The following PCDHB4 variants were observed in gnomAD, a reference collection of about 807,000 sequenced individuals.
The protein encoded by PCDHB4 is protocadherin beta-4.
For synonymous variants in PCDHB4, 482 were observed against 447.3 expected (o/e 1.08, Z -0.98); for missense variants, 1,063 against 1,007.0 (o/e 1.06, Z -0.75).
Position 141,122,450 on chromosome 5 carries a change from T to C in PCDHB4, c.452T>C (p.Phe151Ser). Residue 151 changes from phenylalanine to serine, a missense_variant, in exon 1 of 1, where the codon TTT becomes TCT. Physicochemically the swap from Phe to Ser is radical, Grantham distance 155 (BLOSUM62 -2). Coordinates refer to ENST00000194152, the MANE Select transcript of PCDHB4 (RefSeq NM_018938.4). ...ILENSQPGTL[F>S]PLLIAEDLDV... ...GAAAATAGCCAGCCGGGTACTCTAT[T>C]TCCGTTGCTAATAGCTGAGGATTTG... The C allele has an allele frequency of 1.9e-6, 3 of 1,614,252 alleles. No individual in the cohort carries two copies. Among genetic ancestry groups the C allele is most frequent in the Non-Finnish European group, 2.5e-6 (3 of 1,180,038 alleles).
Position 141,123,036 on chromosome 5 carries a change from TATC to T in PCDHB4, c.1041_1043del (p.Ile348del). ...ATGTGAATGACAATCCCCCAGAACT[TATC>T]ATATCTTCACTCACCAGCTCCATCC... On this transcript the variant is annotated inframe_deletion, in exon 1 of 1. Transcript: ENST00000194152. 3 of 1,613,806 alleles carry T rather than the reference TATC, an allele frequency of 1.9e-6. No homozygotes were observed. Among genetic ancestry groups the T allele is most frequent in the Non-Finnish European group, 2.5e-6 (3 of 1,179,964 alleles).
chr5:141,123,376 C>T lies in PCDHB4; in HGVS notation c.1378C>T (p.Arg460Cys). 6.2e-7 allele frequency: 1 copy of T among 1,613,862 alleles called. No homozygotes were observed. Residue 460 changes from arginine (R) to cysteine (C), a missense_variant, in exon 1 of 1, where the codon CGC becomes TGC. Coordinates refer to ENST00000194152, the MANE Select transcript of PCDHB4 (RefSeq NM_018938.4). Reference sequence around the variant, plus strand: ...CCAAACCTCCTACACCCTGTTCGTCCGCGAGAACAACAGCCCCGCCCTGCA... The same window carrying T: ...CCAAACCTCCTACACCCTGTTCGTCTGCGAGAACAACAGCCCCGCCCTGCA... Reference protein sequence around the residue: ...FTQTSYTLFVRENNSPALHIG... With the variant: ...FTQTSYTLFVCENNSPALHIG...
chr5:141,124,248 C>G lies in PCDHB4; in HGVS notation c.2250C>G (p.Tyr750Ter), dbSNP rs551909584. The G allele has an allele frequency of 6.2e-7, 1 of 1,614,024 alleles. No individual in the cohort carries two copies. Among genetic ancestry groups the G allele is most frequent in the Non-Finnish European group, 8.5e-7 (1 of 1,180,034 alleles). The change falls in exon 1 of 1, where the codon TAC (tyrosine) becomes TAG (stop). Residue 750 changes from tyrosine to a stop codon, truncating the protein, a stop_gained. Transcript: ENST00000194152. LOFTEE classifies it low-confidence loss of function (END_TRUNC). ...GTGTLSQSYQ[Y>*]EVCLTGDSGT... ...GGACCCTGTCCCAGAGCTACCAGTA[C>G]GAGGTGTGTCTGACAGGAGACTCTG...
In PCDHB4 at chr5:141,123,482, C is replaced by A. The variant is rs377427985; in HGVS notation, c.1484C>A (p.Pro495Gln). The change falls in exon 1 of 1, where the codon CCG becomes CAG. Residue 495 changes from proline (P) to glutamine (Q), a missense_variant. Transcript: ENST00000194152. ...TACTCGCTGCTGCCGCCCCAGGACCCGCACCTGCCCCTCGCCTCCCTGGTC... is the reference window on the plus strand; with the variant it reads ...TACTCGCTGCTGCCGCCCCAGGACCAGCACCTGCCCCTCGCCTCCCTGGTC... ...VTYSLLPPQDPHLPLASLVSI... is the reference protein window; with the variant it reads ...VTYSLLPPQDQHLPLASLVSI... 1.2e-6 allele frequency: 2 copies of A among 1,613,194 alleles called. No individual in the cohort carries two copies. Among genetic ancestry groups the A allele is most frequent in the African/African-American group, 1.3e-5 (1 of 74,922 alleles).
rs1554274522 is a variant in PCDHB4, at chr5:141,123,369, G to T, written c.1371G>T (p.Leu457=). 6.2e-7 allele frequency: 1 copy of T among 1,613,882 alleles called. No homozygotes were observed. The highest frequency in any genetic ancestry group is 2.2e-5 in the East Asian group (1 of 44,874). Residue 457 remains leucine, a synonymous_variant, in exon 1 of 1, where the codon CTG becomes CTT. Transcript: ENST00000194152. The stretch of plus-strand genomic sequence containing the variant: ...CCTTCACCCAAACCTCCTACACCCT[G>T]TTCGTCCGCGAGAACAACAGCCCCG... ...APAFTQTSYT[L]FVRENNSPAL...
chr5:141,124,919 A>G lies in PCDHB4; in HGVS notation c.*533A>G, dbSNP rs1165695997. On this transcript the variant is annotated 3_prime_UTR_variant, in exon 1 of 1. Coordinates refer to ENST00000194152, the MANE Select transcript of PCDHB4 (RefSeq NM_018938.4). Reference sequence around the variant, plus strand: ...TTTACTCATTTTTCACAAATTGTATATAAACATGCACTTCACTACATTGGT... The same window carrying G: ...TTTACTCATTTTTCACAAATTGTATGTAAACATGCACTTCACTACATTGGT... The G allele has an allele frequency of 1.3e-5, 2 of 152,508 alleles. No individual in the cohort carries two copies. The highest frequency in any genetic ancestry group is 6.5e-5 in the Admixed American group (1 of 15,320). 9.4% of individuals were successfully genotyped at this position (152,508 alleles called of 1,614,324 possible).
In PCDHB4 at chr5:141,124,229, T is replaced by A. The variant is rs530871407; in HGVS notation, c.2231T>A (p.Leu744Gln). ...GTGGACGTAAGCGGCACCGGGACCC[T>A]GTCCCAGAGCTACCAGTACGAGGTG... ...HLVDVSGTGTLSQSYQYEVCL... is the reference protein window; with the variant it reads ...HLVDVSGTGTQSQSYQYEVCL... The change falls in exon 1 of 1, where the codon CTG (leucine) becomes CAG (glutamine). Residue 744 changes from leucine to glutamine, a missense_variant. Physicochemically the swap from Leu to Gln is moderately radical, Grantham distance 113. Coordinates refer to ENST00000194152, the MANE Select transcript of PCDHB4 (RefSeq NM_018938.4). The A allele has an allele frequency of 6.0e-5, 97 of 1,614,174 alleles. No homozygotes were observed. In the South Asian group the frequency reaches 1.0e-3, roughly 17 times the overall value.
chr5:141,124,558 T>A lies in PCDHB4; in HGVS notation c.*172T>A. 1.8e-6 allele frequency: 1 copy of A among 563,620 alleles called. No homozygotes were observed. The highest frequency in any genetic ancestry group is 3.0e-6 in the Non-Finnish European group (1 of 333,218). The allele number at this position is 563,620 out of a possible 1,614,324, so 34.9% of individuals were successfully genotyped here. On this transcript the variant is annotated 3_prime_UTR_variant, in exon 1 of 1. Coordinates refer to ENST00000194152, the MANE Select transcript of PCDHB4 (RefSeq NM_018938.4). Reference sequence around the variant, plus strand: ...CTTTTTTATTGTTATTAATTGCACTTAACATTTTTAGTTATACTGGATATT... The same window carrying A: ...CTTTTTTATTGTTATTAATTGCACTAAACATTTTTAGTTATACTGGATATT...
Position 141,122,660 on chromosome 5 carries a change from G to A in PCDHB4, c.662G>A (p.Arg221Lys). 6.2e-7 allele frequency: 1 copy of A among 1,614,210 alleles called. No individual in the cohort carries two copies. Among genetic ancestry groups the A allele is most frequent in the Non-Finnish European group, 8.5e-7 (1 of 1,180,044 alleles). Reference protein sequence around the residue: ...LVALDGGSPPRSGTVMVRILI... With the variant: ...LVALDGGSPPKSGTVMVRILI... ...GCGCTGGATGGTGGGTCACCACCTA[G>A]GTCTGGCACGGTCATGGTTCGAATC... The change falls in exon 1 of 1, where the codon AGG (arginine) becomes AAG (lysine). Residue 221 changes from arginine (R) to lysine (K), a missense_variant. Physicochemically the swap from Arg to Lys is conservative, Grantham distance 26 (BLOSUM62 2). Coordinates refer to ENST00000194152, the MANE Select transcript of PCDHB4 (RefSeq NM_018938.4).
rs1554274737 is a variant in PCDHB4 at position 141,124,178 on chromosome 5, C to T, written c.2180C>T (p.Pro727Leu). The change falls in exon 1 of 1, where the codon CCC becomes CTC. Residue 727 changes from proline to leucine, a missense_variant. Pro to Leu is a moderately conservative substitution (Grantham distance 98). Coordinates refer to ENST00000194152, the MANE Select transcript of PCDHB4 (RefSeq NM_018938.4). ...RAASVGRCSV[P>L]EGPFPGHLVD... ...GCCTCGGTGGGTCGCTGCTCGGTGC[C>T]CGAGGGCCCCTTTCCAGGGCATCTG... 1.2e-6 allele frequency: 2 copies of T among 1,613,356 alleles called. No individual in the cohort carries two copies. The highest frequency in any genetic ancestry group is 1.7e-6 in the Non-Finnish European group (2 of 1,179,972).
rs35205749 is a variant in PCDHB4 at position 141,122,177 on chromosome 5, C to A, written c.179C>A (p.Ser60Tyr). The A allele has an allele frequency of 3.1e-6, 5 of 1,614,058 alleles. No homozygotes were observed. The highest frequency in any genetic ancestry group is 3.4e-6 in the Non-Finnish European group (4 of 1,180,048). Residue 60 changes from serine to tyrosine, a missense_variant, in exon 1 of 1, where the codon TCC becomes TAC. Ser to Tyr is a moderately radical substitution (Grantham distance 144, BLOSUM62 -2). Transcript: ENST00000194152. ...GGCCTGGGAATTGGGGAACTGGCCT[C>A]CCGGTCAGCCCGGGTGCTGTCTGAC... ...DLGLGIGELA[S>Y]RSARVLSDDD...
Position 141,122,460 on chromosome 5 carries a change from A to G in PCDHB4, c.462A>G (p.Leu154=). ...AGCCGGGTACTCTATTTCCGTTGCT[A>G]ATAGCTGAGGATTTGGATGTGGGCA... The part of the protein sequence containing the change: ...NSQPGTLFPL[L]IAEDLDVGSN... Residue 154 remains leucine (L), a synonymous_variant, in exon 1 of 1, where the codon CTA becomes CTG. Transcript: ENST00000194152. 1.2e-6 allele frequency: 2 copies of G among 1,614,228 alleles called. No individual in the cohort carries two copies. Among genetic ancestry groups the G allele is most frequent in the South Asian group, 1.1e-5 (1 of 91,078 alleles).
chr5:141,122,941 C>T lies in PCDHB4; in HGVS notation c.943C>T (p.His315Tyr). The T allele has an allele frequency of 6.2e-7, 1 of 1,611,268 alleles. No individual in the cohort carries two copies. Among genetic ancestry groups the T allele is most frequent in the Non-Finnish European group, 8.5e-7 (1 of 1,179,236 alleles). ...GGATTTCGAAAAAATTAAATCTTAC[C>T]ATGTAGAAATTGAGGCCACAGATGG... ...KLDFEKIKSYHVEIEATDGGG... is the reference protein window; with the variant it reads ...KLDFEKIKSYYVEIEATDGGG... The change falls in exon 1 of 1, where the codon CAT (histidine) becomes TAT (tyrosine). Residue 315 changes from histidine (H) to tyrosine (Y), a missense_variant. His to Tyr is a moderately conservative substitution (Grantham distance 83, BLOSUM62 2). Transcript: ENST00000194152.
Position 141,123,565 on chromosome 5 carries a change from C to T in PCDHB4, c.1567C>T (p.Leu523=), listed in dbSNP as rs1752345275. The change falls in exon 1 of 1, where the codon CTG becomes TTG. Residue 523 remains leucine, a synonymous_variant. Transcript: ENST00000194152. ...FALRSLDYEA[L]QAFEFRVGAS... ...CCTCAGGTCGCTGGACTACGAGGCC[C>T]TGCAGGCGTTCGAGTTCCGCGTGGG... 6.2e-7 allele frequency: 1 copy of T among 1,612,906 alleles called. No individual in the cohort carries two copies. Among genetic ancestry groups the T allele is most frequent in the Non-Finnish European group, 8.5e-7 (1 of 1,179,854 alleles).
rs782183136 is a variant in PCDHB4 at position 141,124,172 on chromosome 5, C to G, written c.2174C>G (p.Ser725Trp). Reference sequence around the variant, plus strand: ...AGGGCGGCCTCGGTGGGTCGCTGCTCGGTGCCCGAGGGCCCCTTTCCAGGG... The same window carrying G: ...AGGGCGGCCTCGGTGGGTCGCTGCTGGGTGCCCGAGGGCCCCTTTCCAGGG... Reference protein sequence around the residue: ...RSRAASVGRCSVPEGPFPGHL... With the variant: ...RSRAASVGRCWVPEGPFPGHL... The change falls in exon 1 of 1, where the codon TCG becomes TGG. Residue 725 changes from serine (S) to tryptophan (W), a missense_variant. Physicochemically the swap from Ser to Trp is radical, Grantham distance 177. Coordinates refer to ENST00000194152, the MANE Select transcript of PCDHB4 (RefSeq NM_018938.4). 2.5e-6 allele frequency: 4 copies of G among 1,613,368 alleles called. No homozygotes were observed. The highest frequency in any genetic ancestry group is 2.2e-5 in the South Asian group (2 of 91,042).
rs1752373829 is a variant in PCDHB4 at position 141,124,278 on chromosome 5, T to C, written c.2280T>C (p.Thr760=). 2 of 1,614,068 alleles carry C rather than the reference T, an allele frequency of 1.2e-6. No individual in the cohort carries two copies. The highest frequency in any genetic ancestry group is 1.7e-6 in the Non-Finnish European group (2 of 1,180,036). ...TGTGTCTGACAGGAGACTCTGGGACTGGTGAGTTCAAGTTCCTGAAGCCAA... is the reference window on the plus strand; with the variant it reads ...TGTGTCTGACAGGAGACTCTGGGACCGGTGAGTTCAAGTTCCTGAAGCCAA... ...YEVCLTGDSG[T]GEFKFLKPIF... is the part of the protein sequence containing the mutation. Residue 760 remains threonine (T), a synonymous_variant, in exon 1 of 1, where the codon ACT becomes ACC. Coordinates refer to ENST00000194152, the MANE Select transcript of PCDHB4 (RefSeq NM_018938.4).
rs782009314 is a variant in PCDHB4 at position 141,123,656 on chromosome 5, CCAA to C, written c.1660_1662del (p.Asn554del). Reference sequence around the variant, plus strand: ...CTGGTGCGCGTGCTGGTGCTGGACACCAACGACAACTCGCCCTTCGTGCTGTAC... The same window carrying C: ...CTGGTGCGCGTGCTGGTGCTGGACACCGACAACTCGCCCTTCGTGCTGTAC... On this transcript the variant is annotated inframe_deletion, in exon 1 of 1. Transcript: ENST00000194152. The C allele has an allele frequency of 6.2e-7, 1 of 1,611,620 alleles. No homozygotes were observed. The highest frequency in any genetic ancestry group is 8.5e-7 in the Non-Finnish European group (1 of 1,179,596).
rs905018780 is a variant in PCDHB4 at position 141,123,037 on chromosome 5, A to G, written c.1039A>G (p.Ile347Val). Residue 347 changes from isoleucine (I) to valine (V), a missense_variant, in exon 1 of 1, where the codon ATC becomes GTC. Physicochemically the swap from Ile to Val is conservative, Grantham distance 29. Coordinates refer to ENST00000194152, the MANE Select transcript of PCDHB4 (RefSeq NM_018938.4). The stretch of plus-strand genomic sequence containing the variant: ...TGTGAATGACAATCCCCCAGAACTT[A>G]TCATATCTTCACTCACCAGCTCCAT... ...VDVNDNPPELIISSLTSSIPE... is the reference protein window; with the variant it reads ...VDVNDNPPELVISSLTSSIPE... 5 of 1,613,778 alleles carry G rather than the reference A, an allele frequency of 3.1e-6. No individual in the cohort carries two copies. Among genetic ancestry groups the G allele is most frequent in the Non-Finnish European group, 4.2e-6 (5 of 1,179,968 alleles).
rs1371869488 is a variant in PCDHB4 at position 141,121,915 on chromosome 5, C to A, written c.-84C>A. ...TATTAAAAGCAACTGTGTGACGATT[C>A]CTCCAAGCAAGAAATTGGAATTGAA... On this transcript the variant is annotated 5_prime_UTR_variant, in exon 1 of 1. Transcript: ENST00000194152. The A allele has an allele frequency of 2.1e-6, 2 of 969,048 alleles. No individual in the cohort carries two copies. The highest frequency in any genetic ancestry group is 1.7e-5 in the South Asian group (1 of 58,366). 60.0% of individuals were successfully genotyped at this position (969,048 alleles called of 1,614,324 possible). A position where few individuals can be genotyped will look rare whatever the true frequency, so the allele number is the denominator to read the frequency against.
Sources: allele counts gnomAD v4.1 joint callset, GRCh38; gene constraint gnomAD v4.1.1; transcripts MANE v1.5; gene names NCBI Gene and HGNC (gene_info 2026-07-23, HGNC 2026-07-21).